The following CAMK1 variants were observed in gnomAD, a reference collection of about 807,000 sequenced individuals.
The protein encoded by CAMK1 is calcium/calmodulin dependent protein kinase I.
A neutral mutation model predicts 49.1 loss-of-function variants in CAMK1; 39 were observed. The observed-to-expected ratio is 0.79, with a 90% CI of 0.62 to 1.04. The LOEUF (loss-of-function observed/expected upper bound fraction) is 1.04. Among genes scored for constraint, CAMK1 ranks in the 50% least tolerant of loss-of-function variants. The probability of loss-of-function intolerance (pLI) is 0.00; values close to 1 mark genes in which losing one functional copy is unlikely to be tolerated. For synonymous variants in CAMK1, 192 were observed against 185.2 expected, an observed-to-expected ratio of 1.04 and a Z score of -0.30; for missense variants, 457 against 472.2, an observed-to-expected ratio of 0.97 and a Z score of 0.30.
At position 9,759,712 on chromosome 3, in the gene CAMK1, C is replaced by T. The variant is rs1479881974; in HGVS notation, c.784G>A (p.Glu262Lys). 1 of 1,614,196 alleles carries T rather than the reference C, an allele frequency of 6.2e-7. No homozygotes were observed. The highest frequency in any genetic ancestry group is 1.7e-5 in the Admixed American group (1 of 60,026). ...FIRHLMEKDPEKRFTCEQALQ... is the reference protein window; with the variant it reads ...FIRHLMEKDPKKRFTCEQALQ... ...GCCTGCTCACAGGTGAATCTTTTCTCTGGGTCCTTCTCCATCAAGTGCCGG... is the reference window on the plus strand; with the variant it reads ...GCCTGCTCACAGGTGAATCTTTTCTTTGGGTCCTTCTCCATCAAGTGCCGG... Residue 262 changes from glutamate to lysine, a missense_variant, in exon 9 of 12, where the codon GAG (glutamate) becomes AAG (lysine). Transcript: ENST00000256460.
chr3:9,764,229 T>C (rs1268257579), intron 3 of CAMK1, among the ~76,000 whole-genome samples: 1 of 152,214 alleles, frequency 6.6e-6, no homozygotes, highest in African/African-American at 2.4e-5. Flanking sequence ...ATAATGCAGG[T>C]AAGGTGCTTG....
At chr3:9,762,043 C>G in intron 5 of CAMK1, 1 of 315,142 alleles carries the variant, frequency 3.2e-6, no homozygotes, top group Non-Finnish European at 6.0e-6. Flanking sequence ...TGGATTAGTG[C>G]TTGATTTAAT....
chr3:9,759,106 G>A, intron 10 of CAMK1: 1 of 1,172,956 alleles, frequency 8.5e-7, no homozygotes, highest in Non-Finnish European at 1.3e-6. Context: ...CTCCAGTCTG[G>A]CCAGGCTTAG....
intron 7 of CAMK1, 130 bp from the exon 8 acceptor site, chr3:9,760,898 C>G (rs930142466): frequency 3.0e-6 from 4 of 1,345,950 alleles, no homozygotes; most frequent in Non-Finnish European, 2.0e-6. Flanking sequence ...CTCTACCAGC[C>G]CTGCCTGCTC....
chr3:9,760,739 T>C lies in CAMK1; in HGVS notation c.662A>G (p.Glu221Gly). The change falls in exon 8 of 12, where the codon GAG becomes GGG. Residue 221 changes from glutamate to glycine, a missense_variant. Physicochemically the swap from Glu to Gly is moderately conservative, Grantham distance 98. Transcript: ENST00000256460. ...LLCGYPPFYD[E>G]NDAKLFEQIL... is the part of the protein sequence containing the mutation. ...CTGTTCAAAGAGTTTGGCATCATTC[T>C]CGTCATAGAAGGGAGGGTAACCGCA... is the stretch of plus-strand genomic sequence containing the variant. 1 of 1,614,106 alleles carries C rather than the reference T, an allele frequency of 6.2e-7. No individual in the cohort carries two copies. Among genetic ancestry groups the C allele is most frequent in the Non-Finnish European group, 8.5e-7 (1 of 1,179,988 alleles).
intron 5 of CAMK1, among the ~76,000 whole-genome samples, 197 bp downstream of exon 5, chr3:9,762,717 C>G (rs758016169): frequency 3.0e-4 from 45 of 151,976 alleles, no homozygotes; most frequent in Non-Finnish European, 5.9e-4. Flanking sequence ...GGATAAAATG[C>G]CACACAATTC....
chr3:9,766,033 C>A, intron 2 of CAMK1, 143 bp from the exon 3 acceptor site: 1 of 1,610,370 alleles, frequency 6.2e-7, no homozygotes, highest in Non-Finnish European at 8.5e-7. Flanking sequence ...CATCCCCTGG[C>A]TCCAGAGATG....
At chr3:9,760,451 A>G (rs2077800968) in intron 8 of CAMK1, 1 of 533,434 alleles carries the variant, frequency 1.9e-6, no homozygotes, top group East Asian at 3.3e-5. Flanking sequence ...GAACAAATGA[A>G]TGCCTAGTTT....
intron 2 of CAMK1, 63 bp downstream of exon 2, chr3:9,767,604 G>T: frequency 6.2e-7 from 1 of 1,602,948 alleles, no homozygotes; most frequent in Non-Finnish European, 8.5e-7. Flanking sequence ...TTGACCAGAG[G>T]AAGCCCCACC....
At chr3:9,766,098 T>C (rs1425552722) in intron 2 of CAMK1, 19 of 1,481,082 alleles carry the variant, frequency 1.3e-5, no homozygotes, top group Non-Finnish European at 1.4e-5. Flanking sequence ...GCCACAGTAA[T>C]TGGTCATGTG....
rs369091156 is a variant in CAMK1, at chr3:9,757,745, C to A, written c.1014G>T (p.Leu338=). The change falls in exon 11 of 12, where the codon CTG becomes CTT. Residue 338 remains leucine, a synonymous_variant. Transcript: ENST00000256460. The surrounding 1 kb of genome is among the most constrained non-coding windows in gnomAD (Gnocchi z 4.5). Reference sequence around the variant, plus strand: ...GCTCCTCACCCCCAGCCACTGGTGTCAGCAGCTCCCCATGGCTCGCCGTCT... The same window carrying A: ...GCTCCTCACCCCCAGCCACTGGTGTAAGCAGCTCCCCATGGCTCGCCGTCT... ...QGQTASHGEL[L]TPVAGGPAAG... is the part of the protein sequence containing the mutation. The A allele has an allele frequency of 7.4e-6, 12 of 1,614,200 alleles. No individual in the cohort carries two copies. The Middle Eastern group carries it at 4.9e-4, about 67-fold the overall frequency.
chr3:9,759,877 C>A, intron 8 of CAMK1, 127 bp from the exon 9 acceptor site: 1 of 1,509,532 alleles, frequency 6.6e-7, no homozygotes, highest in Admixed American at 1.8e-5. Context: ...GTCCATGCCC[C>A]ACCCCACCCA....
In CAMK1 at chr3:9,757,621, C is replaced by T. The variant is rs1482988022; in HGVS notation, c.1031G>A (p.Gly344Glu). The T allele has an allele frequency of 1.2e-6, 2 of 1,614,034 alleles. No individual in the cohort carries two copies. The highest frequency in any genetic ancestry group is 1.7e-6 in the Non-Finnish European group (2 of 1,180,028). Residue 344 changes from glycine (G) to glutamate (E), a missense_variant and splice_region_variant, in exon 12 of 12, where the codon GGG becomes GAG. Physicochemically the swap from Gly to Glu is moderately conservative, Grantham distance 98. Coordinates refer to ENST00000256460, the MANE Select transcript of CAMK1 (RefSeq NM_003656.5). This position sits in a 1 kb window ranked among gnomAD's most constrained non-coding sequence, Gnocchi z 4.5. ...TCGACAGCAACAGCCAGCTGCCGGC[C>T]CTGCATGGGAAGACAGAACAGAGGT... is the stretch of plus-strand genomic sequence containing the variant. ...HGELLTPVAG[G>E]PAAGCCCRDC...
intron 2 of CAMK1, 120 bp from the exon 3 acceptor site, chr3:9,766,010 C>G (rs748434258): frequency 5.0e-6 from 8 of 1,614,034 alleles, no homozygotes; most frequent in Admixed American, 3.3e-5. Flanking sequence ...TGACCCTCCC[C>G]TAGTCACTCA....
rs750387531 is a variant in CAMK1 at position 9,765,769 on chromosome 3, C to G, written c.205G>C (p.Val69Leu). ...CTGTGGCCCACGCACTTGTGCAGGA[C>G]AGCAATCTCATTCTCCATGCTGCCT... ...KEGSMENEIA[V>L]LHKIKHPNIV... The change falls in exon 3 of 12, where the codon GTC becomes CTC. Residue 69 changes from valine (V) to leucine (L), a missense_variant. Transcript: ENST00000256460. 19 of 1,613,904 alleles carry G rather than the reference C, an allele frequency of 1.2e-5. No individual in the cohort carries two copies. The highest frequency in any genetic ancestry group is 1.6e-5 in the Non-Finnish European group (19 of 1,179,996).
chr3:9,766,891 G>A (rs986479138), intron 2 of CAMK1, among the ~76,000 whole-genome samples: 4 of 152,082 alleles, frequency 2.6e-5, no homozygotes, highest in East Asian at 3.9e-4. Flanking sequence ...AAAGTCTTAA[G>A]TGTCTCCCGG....
rs571374494 is a variant in CAMK1 at position 9,763,455 on chromosome 3, C to A, written c.216-242G>T. ...TTAGAGCTCAGGACAGCTCAGCCAC[C>A]CCCAACCCCCGACCACTGCCTACAT... is the stretch of plus-strand genomic sequence containing the variant. On this transcript the variant is annotated intron_variant, in intron 3 of 11. Coordinates refer to ENST00000256460, the MANE Select transcript of CAMK1 (RefSeq NM_003656.5). Among the ~76,000 whole-genome samples the A allele has an allele frequency of 7.9e-5, 12 of 151,968 alleles. No individual in the cohort carries two copies. In the South Asian group the frequency reaches 2.5e-3, roughly 32 times the overall value.
chr3:9,767,037 C>T (rs1451373936), intron 2 of CAMK1, among the ~76,000 whole-genome samples: 1 of 152,168 alleles, frequency 6.6e-6, no homozygotes, highest in African/African-American at 2.4e-5. Flanking sequence ...CTCTACCTCT[C>T]TCCACATAGA....
chr3:9,761,285 G>A (rs891328325), intron 7 of CAMK1, 176 bp downstream of exon 7: 1 of 659,696 alleles, frequency 1.5e-6, no homozygotes, highest in South Asian at 2.2e-5. Context: ...TGCTTGCTTG[G>A]CACAGTGCTT....
Sources: allele counts gnomAD v4.1 joint callset (sites outside exome capture counted in the v4.1 genomes callset), GRCh38; gene constraint gnomAD v4.1.1; non-coding constraint Gnocchi (gnomAD v3.1); transcripts MANE v1.5; gene names NCBI Gene and HGNC (gene_info 2026-07-23, HGNC 2026-07-21).